Variants in RPL32 observed in about 807,000 individuals in gnomAD.
The protein encoded by RPL32 is ribosomal protein L32.
For synonymous variants in RPL32, 61 were observed against 62.6 expected, an observed-to-expected ratio of 0.98 and a Z score of 0.12; for missense variants, 117 against 173.7, an observed-to-expected ratio of 0.67 and a Z score of 1.83.
In RPL32 at chr3:12,835,008, C is replaced by T. The variant is rs2062088327; in HGVS notation, c.*1086G>A. ...GAACAGGAGACAATCTGTAAGATTC[C>T]TGTCTAGACTAGAAGTAGAAAAGCT... On this transcript the variant is annotated 3_prime_UTR_variant, in exon 4 of 4. Coordinates refer to ENST00000429711, the MANE Select transcript of RPL32 (RefSeq NM_000994.4). 2 of 152,124 alleles carry T rather than the reference C, an allele frequency of 1.3e-5. No homozygotes were observed. Among genetic ancestry groups the T allele is most frequent in the Non-Finnish European group, 1.5e-5 (1 of 68,016 alleles). The allele number at this position is 152,124 out of a possible 1,614,324, so 9.4% of individuals were successfully genotyped here.
At position 12,835,835 on chromosome 3, in the gene RPL32, G is replaced by T. The variant is rs1186584226; in HGVS notation, c.*259C>A. On this transcript the variant is annotated 3_prime_UTR_variant, in exon 4 of 4. Transcript: ENST00000429711. ...AGAACCTACCTGGTGTGAGGGCCAA[G>T]TCTGTACCCCTCATACCCAGCCTCA... The T allele has an allele frequency of 4.3e-6, 2 of 466,204 alleles. No homozygotes were observed. Among genetic ancestry groups the T allele is most frequent in the African/African-American group, 3.9e-5 (2 of 50,742 alleles). The allele number at this position is 466,204 out of a possible 1,614,324, so 28.9% of individuals were successfully genotyped here. A position where few individuals can be genotyped will look rare whatever the true frequency, so the allele number is the denominator to read the frequency against.
intron 3 of RPL32, among the ~76,000 whole-genome samples, chr3:12,836,594 T>C (rs2062101720): frequency 1.3e-5 from 2 of 152,124 alleles, no homozygotes; most frequent in Non-Finnish European, 2.9e-5. Flanking sequence ...ACCTTGCCCA[T>C]GAAGGTTCAG....
Position 12,834,561 on chromosome 3 carries a change from G to A in RPL32, c.*1533C>T, listed in dbSNP as rs2062083868. On this transcript the variant is annotated 3_prime_UTR_variant, in exon 4 of 4. Coordinates refer to ENST00000429711, the MANE Select transcript of RPL32 (RefSeq NM_000994.4). Reference sequence around the variant, plus strand: ...TTTTTCCAGGGAGGAGGAATGGGTTGGGTAGGGAACTGGACAGGCTTGGAC... The same window carrying A: ...TTTTTCCAGGGAGGAGGAATGGGTTAGGTAGGGAACTGGACAGGCTTGGAC... The A allele has an allele frequency of 6.5e-6, 1 of 154,686 alleles. No homozygotes were observed. Among genetic ancestry groups the A allele is most frequent in the African/African-American group, 2.4e-5 (1 of 41,464 alleles). The allele number at this position is 154,686 out of a possible 1,614,324, so 9.6% of individuals were successfully genotyped here.
At chr3:12,837,437 A>C (rs2062108317) in intron 3 of RPL32, among the ~76,000 whole-genome samples, 2 of 152,276 alleles carry the variant, frequency 1.3e-5, no homozygotes, top group Admixed American at 1.3e-4. Context: ...AAAGACTGCC[A>C]AGCTGCGCTT....
At chr3:12,839,039 G>C (rs1207743876) in intron 3 of RPL32, 1 of 424,424 alleles carries the variant, frequency 2.4e-6, no homozygotes, top group Non-Finnish European at 4.3e-6. Context: ...GCAACATTTT[G>C]GAAACAACAG....
At position 12,838,992 on chromosome 3, in the gene RPL32, G is replaced by C. The variant is rs966226904; in HGVS notation, c.278+357C>G. On this transcript the variant is annotated intron_variant, in intron 3 of 3. Coordinates refer to ENST00000429711, the MANE Select transcript of RPL32 (RefSeq NM_000994.4). ...AGAATAAATCTCTTCGAATATTTCA[G>C]AGTTCAACTCTTTTGCTTGACACCT... The C allele has an allele frequency of 6.2e-5, 21 of 336,220 alleles. No individual in the cohort carries two copies. The Admixed American group carries it at 7.1e-4, about 11-fold the overall frequency. 20.8% of individuals were successfully genotyped at this position (336,220 alleles called of 1,614,324 possible).
intron 3 of RPL32, among the ~76,000 whole-genome samples, chr3:12,838,274 G>GTAA (rs2062114752): frequency 6.6e-6 from 1 of 152,228 alleles, no homozygotes; most frequent in Non-Finnish European, 1.5e-5. Context: ...AGGAATGGTG[G>GTAA]TGCACGCCTG....
chr3:12,840,093 G>T (rs748940930), intron 2 of RPL32, 49 bp downstream of exon 2: 2 of 1,430,284 alleles, frequency 1.4e-6, no homozygotes, highest in South Asian at 1.1e-5. Flanking sequence ...GAAACTGTTG[G>T]AAACTCTTTT....
At chr3:12,839,683 G>A (rs745350697) in intron 2 of RPL32, 153 bp from the exon 3 acceptor site, 2 of 799,768 alleles carry the variant, frequency 2.5e-6, no homozygotes, top group Non-Finnish European at 2.1e-6. Flanking sequence ...CTTTTTTGGT[G>A]GGAAAAACCA....
chr3:12,836,493 A>G (rs2062100735), intron 3 of RPL32, among the ~76,000 whole-genome samples: 1 of 152,130 alleles, frequency 6.6e-6, no homozygotes, highest in African/African-American at 2.4e-5. Flanking sequence ...TAAAGAAACC[A>G]AGGCCCACAG....
intron 3 of RPL32, chr3:12,839,081 A>G (rs937622222): frequency 1.3e-5 from 7 of 532,110 alleles, no homozygotes; most frequent in African/African-American, 3.8e-5. Flanking sequence ...GAAAGTGGCT[A>G]TTATTGCAGT....
chr3:12,840,497 G>A (rs747485967), intron 1 of RPL32: 1 of 621,562 alleles, frequency 1.6e-6, no homozygotes, highest in Admixed American at 1.8e-5. Context: ...CAACAGCTGA[G>A]CAAATCAAAA....
chr3:12,838,893 G>A (rs750496920), intron 3 of RPL32, among the ~76,000 whole-genome samples: 3 of 152,016 alleles, frequency 2.0e-5, no homozygotes, highest in African/African-American at 7.3e-5. Flanking sequence ...GCTGCTCCCC[G>A]CCCACCTTGG....
At chr3:12,840,827 G>A (rs1575791024) in intron 1 of RPL32, 1 of 236,564 alleles carries the variant, frequency 4.2e-6, no homozygotes, top group Admixed American at 4.9e-5. Flanking sequence ...CTTCCTCAGT[G>A]TGGTCTTCCG....
intron 3 of RPL32, 145 bp from the exon 4 acceptor site, chr3:12,836,368 T>C: frequency 1.1e-6 from 1 of 916,566 alleles, no homozygotes; most frequent in Non-Finnish European, 1.7e-6. Flanking sequence ...TGCCCCCAAA[T>C]CCTGACTATG....
chr3:12,836,353 C>T (rs996724252), intron 3 of RPL32, 130 bp from the exon 4 acceptor site: 25 of 1,041,310 alleles, frequency 2.4e-5, no homozygotes, highest in Non-Finnish European at 3.5e-5. Context: ...GGAATGACAC[C>T]TACATGCCCC....
intron 3 of RPL32, among the ~76,000 whole-genome samples, chr3:12,838,634 G>C (rs1399479161): frequency 1.3e-5 from 2 of 151,772 alleles, no homozygotes; most frequent in Non-Finnish European, 2.9e-5. Flanking sequence ...TCTCCCGCTT[G>C]TAAGCCAAAA....
chr3:12,835,370 AC>A lies in RPL32; in HGVS notation c.*723del, dbSNP rs1204633154. The A allele has an allele frequency of 6.6e-6, 1 of 152,336 alleles. No homozygotes were observed. The highest frequency in any genetic ancestry group is 1.5e-5 in the Non-Finnish European group (1 of 68,134). The allele number at this position is 152,336 out of a possible 1,614,324, so 9.4% of individuals were successfully genotyped here. A position where few individuals can be genotyped will look rare whatever the true frequency, so the allele number is the denominator to read the frequency against. On this transcript the variant is annotated 3_prime_UTR_variant, in exon 4 of 4. Coordinates refer to ENST00000429711, the MANE Select transcript of RPL32 (RefSeq NM_000994.4). ...AGGTCAAGGCTGTAGTCAGTGTGCCACTGCACTCCCAGCCTGGGTGAGAGCA... is the reference window on the plus strand; with the variant it reads ...AGGTCAAGGCTGTAGTCAGTGTGCCATGCACTCCCAGCCTGGGTGAGAGCA...
In RPL32 at chr3:12,835,059, G is replaced by A. The variant is rs2062088728; in HGVS notation, c.*1035C>T. ...TTATTATACCCAGCGCAGCATTTCT[G>A]CTAAGTTGACCAGGATGGTTACAGA... On this transcript the variant is annotated 3_prime_UTR_variant, in exon 4 of 4. Transcript: ENST00000429711. The A allele has an allele frequency of 6.6e-6, 1 of 152,192 alleles. No homozygotes were observed. The highest frequency in any genetic ancestry group is 1.5e-5 in the Non-Finnish European group (1 of 68,046). 9.4% of individuals were successfully genotyped at this position (152,192 alleles called of 1,614,324 possible). A position where few individuals can be genotyped will look rare whatever the true frequency, so the allele number is the denominator to read the frequency against.
Sources: gnomAD v4.1 joint callset for allele counts (sites outside exome capture counted in the v4.1 genomes callset) on GRCh38, gnomAD v4.1.1 for gene constraint, MANE v1.5 for transcripts, NCBI Gene and HGNC (gene_info 2026-07-23, HGNC 2026-07-21) for gene names.